The following DTNA variants were observed in gnomAD, a reference collection of about 807,000 sequenced individuals.
DTNA encodes dystrobrevin alpha.
In DTNA, 43 loss-of-function variants were observed where a neutral mutation model predicts 100.7. The ratio of observed to expected loss-of-function variants is 0.43; its 90% CI spans 0.33 to 0.55. The LOEUF is 0.55. Ranked by LOEUF, DTNA falls within the 20% of genes least tolerant of loss-of-function variation. The pLI, the probability that DTNA is intolerant of heterozygous loss-of-function variation, is 0.04. For synonymous variants in DTNA, 349 were observed against 347.9 expected, an observed-to-expected ratio of 1.00 and a Z score of -0.04; for missense variants, 798 against 953.9, an observed-to-expected ratio of 0.84 and a Z score of 2.15.
intron 2 of DTNA, among the ~76,000 whole-genome samples, chr18:34,761,500 G>C (rs570840469): frequency 3.9e-5 from 6 of 152,272 alleles, no homozygotes; most frequent in Non-Finnish European, 8.8e-5. Flanking sequence ...AGAAGGGAGT[G>C]AGAGAGGGAG....
chr18:34,790,756 G>A (rs1439109039), intron 3 of DTNA, among the ~76,000 whole-genome samples: 1 of 151,980 alleles, frequency 6.6e-6, no homozygotes, highest in Non-Finnish European at 1.5e-5. Flanking sequence ...TCTGGCTGCA[G>A]TGAGTAGAAA....
chr18:34,583,718 A>G (rs946555895), intron 1 of DTNA, among the ~76,000 whole-genome samples: 2 of 152,140 alleles, frequency 1.3e-5, no homozygotes, highest in African/African-American at 2.4e-5. Flanking sequence ...AGAACCCTCA[A>G]AAGACTCAAA....
intron 1 of DTNA, among the ~76,000 whole-genome samples, chr18:34,593,750 G>A (rs2050013845): frequency 6.6e-6 from 1 of 152,198 alleles, no homozygotes; most frequent in Non-Finnish European, 1.5e-5. Context: ...TGTAACTTCA[G>A]TTTTGACTTT....
At chr18:34,528,666 G>A (rs1375626211) in intron 1 of DTNA, among the ~76,000 whole-genome samples, 1 of 152,002 alleles carries the variant, frequency 6.6e-6, no homozygotes, top group African/African-American at 2.4e-5. Flanking sequence ...GGGGTACAGG[G>A]CCTGCTAAGT....
At chr18:34,623,240 A>G (rs545433470) in intron 1 of DTNA, among the ~76,000 whole-genome samples, 1 of 152,296 alleles carries the variant, frequency 6.6e-6, no homozygotes, top group South Asian at 2.1e-4. Context: ...AATCTGATTC[A>G]GGAAGCAATA....
At chr18:34,701,902 T>G (rs1360095949) in intron 1 of DTNA, among the ~76,000 whole-genome samples, 1 of 152,190 alleles carries the variant, frequency 6.6e-6, no homozygotes, top group Non-Finnish European at 1.5e-5. Context: ...CCAAACTCGT[T>G]TCACTATCCA....
At chr18:34,596,586 T>C (rs2050657607) in intron 1 of DTNA, among the ~76,000 whole-genome samples, 1 of 152,164 alleles carries the variant, frequency 6.6e-6, no homozygotes, top group Non-Finnish European at 1.5e-5. Context: ...TCTTATTACA[T>C]CGGGTATATC....
intron 6 of DTNA, chr18:34,815,601 T>A: frequency 3.6e-6 from 1 of 275,788 alleles, no homozygotes; most frequent in Non-Finnish European, 7.0e-6. Context: ...TTCTTTATTT[T>A]GCTTCATTAT....
chr18:34,510,423 C>T (rs2040945273), intron 1 of DTNA, among the ~76,000 whole-genome samples: 1 of 151,788 alleles, frequency 6.6e-6, no homozygotes, highest in African/African-American at 2.4e-5. Flanking sequence ...CTTGCGTGTG[C>T]TTCTCGAAGC....
intron 1 of DTNA, among the ~76,000 whole-genome samples, chr18:34,703,160 T>C (rs1428327980): frequency 3.3e-5 from 5 of 152,198 alleles, no homozygotes; most frequent in Non-Finnish European, 5.9e-5. Flanking sequence ...ATGCTCTGTA[T>C]GTATGTATAG....
chr18:34,587,377 T>A (rs1044433700), intron 1 of DTNA, among the ~76,000 whole-genome samples: 2 of 148,604 alleles, frequency 1.3e-5, no homozygotes, highest in African/African-American at 5.1e-5. Flanking sequence ...TTAGTCAGTC[T>A]CTCTCTTTCA....
At chr18:34,637,217 A>C (rs890725100) in intron 1 of DTNA, among the ~76,000 whole-genome samples, 1 of 152,224 alleles carries the variant, frequency 6.6e-6, no homozygotes, top group Non-Finnish European at 1.5e-5. Flanking sequence ...CTTCAGCCCT[A>C]CATATAATTT....
chr18:34,805,783 G>GAAA (rs2095345626), intron 4 of DTNA, among the ~76,000 whole-genome samples: 1 of 119,618 alleles, frequency 8.4e-6, no homozygotes, highest in African/African-American at 3.2e-5. Flanking sequence ...GAAATTCTCT[G>GAAA]ACAAAAAAAA....
chr18:34,520,463 C>G (rs1349920436), intron 1 of DTNA, among the ~76,000 whole-genome samples: 1 of 152,038 alleles, frequency 6.6e-6, no homozygotes, highest in African/African-American at 2.4e-5. Flanking sequence ...ACCAGCCTGG[C>G]TAAGATGGTG....
At chr18:34,697,666 G>C (rs562653345) in intron 1 of DTNA, among the ~76,000 whole-genome samples, 1 of 152,300 alleles carries the variant, frequency 6.6e-6, no homozygotes, top group Admixed American at 6.5e-5. Context: ...GTGCACCGGG[G>C]ATTTGATTGT....
At chr18:34,829,358 C>A (rs911009374) in intron 10 of DTNA, 42 bp from the exon 11 acceptor site, 4 of 1,534,342 alleles carry the variant, frequency 2.6e-6, no homozygotes, top group African/African-American at 2.7e-5. Context: ...TTGCTCTGTC[C>A]ATGGGAAGTT....
chr18:34,704,150 AGTTCTC>A (rs2081800840), intron 1 of DTNA, among the ~76,000 whole-genome samples: 2 of 152,116 alleles, frequency 1.3e-5, no homozygotes, highest in African/African-American at 4.8e-5. Flanking sequence ...TTTGCTTCCC[AGTTCTC>A]TCCATCCCAT....
chr18:34,835,897 C>G (rs1459519820), intron 11 of DTNA, among the ~76,000 whole-genome samples: 1 of 152,114 alleles, frequency 6.6e-6, no homozygotes, highest in African/African-American at 2.4e-5. Flanking sequence ...AAATTATTGC[C>G]ACAATTTCTG....
intron 1 of DTNA, among the ~76,000 whole-genome samples, chr18:34,533,557 A>G (rs1220175188): frequency 1.3e-5 from 2 of 152,076 alleles, no homozygotes; most frequent in Admixed American, 6.6e-5. Context: ...ACATTTTAGT[A>G]TGCCTCCGTA....
Sources: gnomAD v4.1 joint callset for allele counts (sites outside exome capture counted in the v4.1 genomes callset) on GRCh38, gnomAD v4.1.1 for gene constraint, MANE v1.5 for transcripts, NCBI Gene and HGNC (gene_info 2026-07-23, HGNC 2026-07-21) for gene names.